The following CEP70 variants were observed in gnomAD, a reference collection of about 807,000 sequenced individuals.
CEP70 encodes centrosomal protein of 70 kDa.
A neutral mutation model predicts 90.9 loss-of-function variants in CEP70; 70 were observed. The ratio of observed to expected loss-of-function variants is 0.77; its 90% CI spans 0.64 to 0.94. The LOEUF (loss-of-function observed/expected upper bound fraction) is 0.94. CEP70 is among the 40% of genes least tolerant of loss of function. The probability of loss-of-function intolerance (pLI) is 0.00; values close to 1 mark genes in which losing one functional copy is unlikely to be tolerated. For synonymous variants in CEP70, 220 were observed against 228.3 expected, an observed-to-expected ratio of 0.96 and a Z score of 0.33; for missense variants, 648 against 669.0, an observed-to-expected ratio of 0.97 and a Z score of 0.35.
chr3:138,578,554 A>G (rs1202725211), intron 2 of CEP70, among the ~76,000 whole-genome samples: 1 of 152,234 alleles, frequency 6.6e-6, no homozygotes, highest in Non-Finnish European at 1.5e-5. Context: ...TTTTGGGAAT[A>G]GAATCAAAAC....
chr3:138,543,336 G>C (rs1006677873), intron 6 of CEP70, among the ~76,000 whole-genome samples: 1 of 152,214 alleles, frequency 6.6e-6, no homozygotes, highest in Non-Finnish European at 1.5e-5. Flanking sequence ...GGGGAACCAA[G>C]GCAGTAGGGG....
chr3:138,554,189 AG>A (rs2039831303), intron 6 of CEP70, among the ~76,000 whole-genome samples: 2 of 150,096 alleles, frequency 1.3e-5, no homozygotes, highest in South Asian at 4.2e-4. Context: ...CAACAGAGTG[AG>A]ACTCCATATG....
rs540747263 is a variant in CEP70 at position 138,556,949 on chromosome 3, C to T, written c.465+13369G>A. On this transcript the variant is annotated intron_variant, in intron 6 of 17. Coordinates refer to ENST00000264982, the MANE Select transcript of CEP70 (RefSeq NM_024491.4). The stretch of plus-strand genomic sequence containing the variant: ...TCAGAAGACAGGGTTTGAGAGCAAC[C>T]GGTCTGACCAAAATTTATTTGGCGG... Among the ~76,000 whole-genome samples the T allele has an allele frequency of 3.1e-4, 47 of 152,180 alleles. No individual in the cohort carries two copies. In the South Asian group the frequency reaches 9.1e-3, roughly 30 times the overall value.
At chr3:138,496,094 A>G in intron 17 of CEP70, 1 of 985,422 alleles carries the variant, frequency 1.0e-6, no homozygotes, top group Non-Finnish European at 1.2e-6. Flanking sequence ...CCTTTTTCTC[A>G]TTATCCAGAT....
chr3:138,576,035 T>C (rs1441648575), intron 2 of CEP70, among the ~76,000 whole-genome samples: 1 of 152,134 alleles, frequency 6.6e-6, no homozygotes, highest in Non-Finnish European at 1.5e-5. Flanking sequence ...AGGAAGAAAT[T>C]GCATCAACTA....
At position 138,522,992 on chromosome 3, in the gene CEP70, G is replaced by A. The variant is rs149058549; in HGVS notation, c.944+2498C>T. ...AATCCTCAATAAAATACTGGCAAAT[G>A]GAATCCAGCAGCACATCAAAAAGCT... On this transcript the variant is annotated intron_variant, in intron 11 of 17. Coordinates refer to ENST00000264982, the MANE Select transcript of CEP70 (RefSeq NM_024491.4). Among the ~76,000 whole-genome samples, 715 of 152,150 alleles carry A rather than the reference G, an allele frequency of 4.7e-3. 4 individuals are homozygous for A. Among genetic ancestry groups the A allele is most frequent in the African/African-American group, 0.017 (689 of 41,500 alleles).
chr3:138,513,138 C>G (rs764091619), intron 11 of CEP70, among the ~76,000 whole-genome samples: 5 of 152,230 alleles, frequency 3.3e-5, no homozygotes, highest in Non-Finnish European at 7.3e-5. Flanking sequence ...CCTGGAAGAT[C>G]TCTTGCAGGG....
At chr3:138,575,514 T>A (rs987148284) in intron 2 of CEP70, among the ~76,000 whole-genome samples, 1 of 152,190 alleles carries the variant, frequency 6.6e-6, no homozygotes, top group Non-Finnish European at 1.5e-5. Flanking sequence ...GGAACCAAGC[T>A]GGAAAACACT....
intron 8 of CEP70, among the ~76,000 whole-genome samples, chr3:138,532,313 A>G (rs1374477920): frequency 6.6e-6 from 1 of 152,234 alleles, no homozygotes; most frequent in African/African-American, 2.4e-5. Context: ...ATAATTAAGT[A>G]TACATAATTT....
intron 6 of CEP70, among the ~76,000 whole-genome samples, chr3:138,557,015 A>G (rs1398540649): frequency 3.9e-5 from 6 of 152,156 alleles, no homozygotes; most frequent in Non-Finnish European, 7.4e-5. Context: ...GCTATGGGAG[A>G]CTGGGGCTTA....
chr3:138,570,122 GA>G (rs1417660025), intron 6 of CEP70, among the ~76,000 whole-genome samples, 195 bp downstream of exon 6: 2 of 151,982 alleles, frequency 1.3e-5, no homozygotes, highest in Admixed American at 1.3e-4. Flanking sequence ...AACAGCAAAA[GA>G]AATTAGAGAA....
intron 11 of CEP70, among the ~76,000 whole-genome samples, chr3:138,512,884 C>T (rs1385453119): frequency 6.6e-6 from 1 of 152,190 alleles, no homozygotes; most frequent in East Asian, 1.9e-4. Context: ...AATTTAGCTA[C>T]ATGCAAAACA....
intron 7 of CEP70, 94 bp downstream of exon 7, chr3:138,537,084 G>C: frequency 1.3e-6 from 1 of 774,946 alleles, no homozygotes. Context: ...TAGTTTATAA[G>C]AGTTATAACC....
At chr3:138,581,646 T>C (rs2041861655) in intron 2 of CEP70, among the ~76,000 whole-genome samples, 1 of 136,108 alleles carries the variant, frequency 7.3e-6, no homozygotes, top group Non-Finnish European at 1.5e-5. Flanking sequence ...AAGGTTGCAG[T>C]GACCCGAGAT....
At chr3:138,498,898 T>C (rs1274487410) in intron 16 of CEP70, among the ~76,000 whole-genome samples, 1 of 151,274 alleles carries the variant, frequency 6.6e-6, no homozygotes, top group Non-Finnish European at 1.5e-5. Flanking sequence ...GTACAAAAAT[T>C]AGCTGGGTGT....
chr3:138,495,518 T>C (rs1046544561), intron 17 of CEP70, among the ~76,000 whole-genome samples: 1 of 152,196 alleles, frequency 6.6e-6, no homozygotes, highest in African/African-American at 2.4e-5. Flanking sequence ...TCTTTAATTT[T>C]CTTGGGAAGA....
intron 2 of CEP70, among the ~76,000 whole-genome samples, chr3:138,575,619 C>G (rs541471153): frequency 6.6e-6 from 1 of 152,034 alleles, no homozygotes; most frequent in Non-Finnish European, 1.5e-5. Context: ...AGATACTCCT[C>G]GAGAAGAGCA....
chr3:138,564,431 C>T (rs187354783), intron 6 of CEP70, among the ~76,000 whole-genome samples: 15 of 152,216 alleles, frequency 9.9e-5, no homozygotes, highest in South Asian at 2.1e-4. Flanking sequence ...TGATGAACAT[C>T]GATGTGAAAA....
intron 6 of CEP70, among the ~76,000 whole-genome samples, chr3:138,565,700 A>G (rs1428249934): frequency 2.6e-5 from 4 of 151,968 alleles, no homozygotes; most frequent in Non-Finnish European, 5.9e-5. Flanking sequence ...AAGATGGAAT[A>G]AACACTTAAA....
Sources: allele counts gnomAD v4.1 joint callset (sites outside exome capture counted in the v4.1 genomes callset), GRCh38; gene constraint gnomAD v4.1.1; transcripts MANE v1.5; gene names NCBI Gene and HGNC (gene_info 2026-07-23, HGNC 2026-07-21).